ERCC2: variants seen among roughly 807,000 people sequenced by gnomAD.
ERCC2 encodes the protein general transcription and DNA repair factor IIH helicase subunit XPD.
Under a neutral mutation model 99.4 loss-of-function variants are expected in ERCC2, and 90 were observed. The ratio of observed to expected loss-of-function variants is 0.91; its 90% CI spans 0.76 to 1.08. The LOEUF is 1.08. ERCC2 is among the 50% of genes least tolerant of loss of function. ERCC2 has a pLI of 0.00. For missense variants in ERCC2, 993 were observed against 1,038.1 expected (o/e 0.96, Z 0.60); for synonymous variants, 497 against 432.4 (o/e 1.15, Z -1.85).
At chr19:45,360,012 T>A (rs1436655791) in intron 12 of ERCC2, among the ~76,000 whole-genome samples, 1 of 151,776 alleles carries the variant, frequency 6.6e-6, no homozygotes, top group East Asian at 1.9e-4. Context: ...TGACCTCAGG[T>A]GATCCACCCA....
chr19:45,352,115 C>T (rs1385461674), intron 22 of ERCC2, 94 bp downstream of exon 22: 2 of 1,390,044 alleles, frequency 1.4e-6, no homozygotes, highest in Non-Finnish European at 2.0e-6. Context: ...GGAGGACAGG[C>T]AGGCTGAGGG....
At chr19:45,357,946 C>T (rs1161058753) in intron 12 of ERCC2, 6 of 580,172 alleles carry the variant, frequency 1.0e-5, no homozygotes, top group Non-Finnish European at 1.9e-5. Context: ...GTAGAGAGCC[C>T]ACAGCCCCGC....
chr19:45,363,872 A>G lies in ERCC2; in HGVS notation c.989T>C (p.Leu330Pro), dbSNP rs1359840113. 2 of 1,552,680 alleles carry G rather than the reference A, an allele frequency of 1.3e-6. No individual in the cohort carries two copies. The highest frequency in any genetic ancestry group is 1.7e-6 in the Non-Finnish European group (2 of 1,156,080). The change falls in exon 11 of 23, where the codon CTG (leucine) becomes CCG (proline). Residue 330 changes from leucine to proline, a missense_variant. Leu to Pro is a moderately conservative substitution (Grantham distance 98, BLOSUM62 -3). This residue lies in a region of ERCC2 where 909 missense variants were observed against 930.8 expected (regional missense o/e 0.98). Coordinates refer to ENST00000391945, the MANE Select transcript of ERCC2 (RefSeq NM_000400.4). ...CTCCAGCAGCCGCCTCAGGAAGCCC[A>G]GGAAATGCTCGGCCGTGCGGATGGA... ...PGSIRTAEHF[L>P]GFLRRLLEYV...
rs949412461 is a variant in ERCC2 at position 45,370,273 on chromosome 19, C to T, written c.6-41G>A. The T allele has an allele frequency of 6.2e-6, 10 of 1,605,242 alleles. 1 individual carries two copies. The African/African-American group carries it at 1.2e-4, about 19-fold the overall frequency. On this transcript the variant is annotated intron_variant, in intron 1 of 22. Coordinates refer to ENST00000391945, the MANE Select transcript of ERCC2 (RefSeq NM_000400.4). Reference sequence around the variant, plus strand: ...GCTGGGTCAGTTCCCGTCCCCTCAGCCCCTCTCCCGCCTCCACAGTGCCCG... The same window carrying T: ...GCTGGGTCAGTTCCCGTCCCCTCAGTCCCTCTCCCGCCTCCACAGTGCCCG...
intron 4 of ERCC2, 64 bp from the exon 5 acceptor site, chr19:45,368,807 C>G: frequency 6.4e-7 from 1 of 1,555,814 alleles, no homozygotes; most frequent in East Asian, 2.3e-5. Flanking sequence ...CCTGCCCTGC[C>G]AGGTCCCAGT....
intron 18 of ERCC2, 21 bp from the exon 19 acceptor site, chr19:45,353,176 C>T (rs542937459): frequency 9.0e-5 from 145 of 1,613,830 alleles, no homozygotes; most frequent in South Asian, 5.1e-4. Context: ...GAGACCGAGA[C>T]GCAAGTTAGG....
chr19:45,349,872 C>T lies in ERCC2; in HGVS notation c.*1757G>A, dbSNP rs150857835. The T allele has an allele frequency of 1.0e-3, 505 of 487,898 alleles. No homozygotes were observed. The highest frequency in any genetic ancestry group is 7.1e-3 in the African/African-American group (363 of 51,264). 30.2% of individuals were successfully genotyped at this position (487,898 alleles called of 1,614,324 possible). ...AGACATTTATTGAGCTCACTGTGGC[C>T]GGCTCCCCTCTTAGCCCGGTCCCCA... On this transcript the variant is annotated 3_prime_UTR_variant, in exon 23 of 23. Transcript: ENST00000391945.
Position 45,350,443 on chromosome 19 carries a change from G to A in ERCC2, c.*1186C>T. The A allele has an allele frequency of 2.5e-6, 4 of 1,612,786 alleles. No homozygotes were observed. The highest frequency in any genetic ancestry group is 1.1e-5 in the South Asian group (1 of 90,966). The stretch of plus-strand genomic sequence containing the variant: ...ACCCGCCCCTCTCGGTGAGCCCCTA[G>A]CCCCTGTCTGTCTTCCCTCCTGGTG... On this transcript the variant is annotated 3_prime_UTR_variant, in exon 23 of 23. Transcript: ENST00000391945.
chr19:45,358,633 A>G (rs945442249), intron 12 of ERCC2: 18 of 577,126 alleles, frequency 3.1e-5, no homozygotes, highest in Admixed American at 1.4e-4. Flanking sequence ...TGCTGGTCCC[A>G]TGTGGCCTGG....
rs924832960 is a variant in ERCC2 at position 45,350,047 on chromosome 19, C to T, written c.*1582G>A. The T allele has an allele frequency of 6.4e-6, 3 of 467,688 alleles. No individual in the cohort carries two copies. The highest frequency in any genetic ancestry group is 3.8e-6 in the Non-Finnish European group (1 of 260,570). The allele number at this position is 467,688 out of a possible 1,614,324, so 29.0% of individuals were successfully genotyped here. A position where few individuals can be genotyped will look rare whatever the true frequency, so the allele number is the denominator to read the frequency against. Reference sequence around the variant, plus strand: ...GGCTGCCTGTCCTCCATCCCCAGGGCAGGAAGTAAGGCCGAGCTCCAAACC... The same window carrying T: ...GGCTGCCTGTCCTCCATCCCCAGGGTAGGAAGTAAGGCCGAGCTCCAAACC... On this transcript the variant is annotated 3_prime_UTR_variant, in exon 23 of 23. Transcript: ENST00000391945.
rs1395049580 is a variant in ERCC2 at position 45,352,897 on chromosome 19, CTG to C, written c.1832-83_1832-82del. On this transcript the variant is annotated intron_variant, in intron 19 of 22. Coordinates refer to ENST00000391945, the MANE Select transcript of ERCC2 (RefSeq NM_000400.4). ...GGACAGCCTCACGCGACCCAGGATG[CTG>C]TGTCTGAGTTGGGGGGAGAGGGTGT... 18 of 1,404,222 alleles carry C rather than the reference CTG, an allele frequency of 1.3e-5. No homozygotes were observed. In the South Asian group the frequency reaches 2.0e-4, roughly 15 times the overall value. 87.0% of individuals were successfully genotyped at this position (1,404,222 alleles called of 1,614,324 possible).
Position 45,357,330 on chromosome 19 carries a change from G to A in ERCC2, c.1419C>T (p.Phe473=). The A allele has an allele frequency of 6.2e-7, 1 of 1,614,192 alleles. No homozygotes were observed. Among genetic ancestry groups the A allele is most frequent in the Non-Finnish European group, 8.5e-7 (1 of 1,180,014 alleles). The change falls in exon 15 of 23, where the codon TTC becomes TTT. Residue 473 remains phenylalanine (F), a synonymous_variant. Coordinates refer to ENST00000391945, the MANE Select transcript of ERCC2 (RefSeq NM_000400.4). ...TGAAGGTTGCCATGGTGACGGGGTG[G>A]AAGTCCAGGATCTTGGGGTAGATGT... ...PLDIYPKILD[F]HPVTMATFTM...
intron 10 of ERCC2, 28 bp downstream of exon 10, chr19:45,363,958 T>TTG: frequency 6.5e-7 from 1 of 1,531,908 alleles, no homozygotes; most frequent in Admixed American, 2.0e-5. Flanking sequence ...GGAAAGGGAC[T>TTG]GGGGGGCAGC....
intron 1 of ERCC2, 106 bp downstream of exon 1, chr19:45,370,430 T>TCC: frequency 7.6e-7 from 1 of 1,313,030 alleles, no homozygotes. Context: ...TCCCACCCCT[T>TCC]CACCCTCCCC....
At chr19:45,357,572 CG>C (rs755755224) in intron 13 of ERCC2, 29 bp from the exon 14 acceptor site, 1 of 1,613,834 alleles carries the variant, frequency 6.2e-7, no homozygotes, top group Non-Finnish European at 8.5e-7. Flanking sequence ...AGTGAGGGCC[CG>C]GGGGGCTGGG....
chr19:45,358,684 C>T (rs1039590356), intron 12 of ERCC2: 3 of 654,870 alleles, frequency 4.6e-6, no homozygotes, highest in Non-Finnish European at 8.4e-6. Flanking sequence ...TCTGAGACTG[C>T]TCAAAAGTCA....
chr19:45,366,378 G>A (rs1157800817), intron 5 of ERCC2, among the ~76,000 whole-genome samples: 1 of 152,196 alleles, frequency 6.6e-6, no homozygotes, highest in East Asian at 1.9e-4. Context: ...CTGATCTCAG[G>A]TGATCCACCC....
chr19:45,357,136 G>A (rs929286463), intron 15 of ERCC2, 134 bp downstream of exon 15: 1 of 655,534 alleles, frequency 1.5e-6, no homozygotes, highest in Non-Finnish European at 2.7e-6. Flanking sequence ...TCAAGCCTAA[G>A]TCTGTCTGAA....
At chr19:45,362,473 C>A (rs954144500) in intron 11 of ERCC2, among the ~76,000 whole-genome samples, 7 of 152,346 alleles carry the variant, frequency 4.6e-5, no homozygotes, top group African/African-American at 1.7e-4. Flanking sequence ...CAGGGCCACT[C>A]GGCCACAACC....
Sources: allele counts gnomAD v4.1 joint callset (sites outside exome capture counted in the v4.1 genomes callset), GRCh38; gene constraint gnomAD v4.1.1; regional missense constraint gnomAD v4.1.1; transcripts MANE v1.5; gene names NCBI Gene and HGNC (gene_info 2026-07-23, HGNC 2026-07-21).